The following CLYBL variants were observed in gnomAD, a reference collection of about 807,000 sequenced individuals.
CLYBL encodes citramalyl-CoA lyase, mitochondrial.
In CLYBL, 31 loss-of-function variants were observed where a neutral mutation model predicts 38.9. The observed-to-expected ratio is 0.80, with a 90% CI of 0.60 to 1.08. The LOEUF is 1.08. Ranked by LOEUF, CLYBL falls within the 50% of genes least tolerant of loss-of-function variation. CLYBL has a pLI of 0.00. For synonymous variants in CLYBL, 171 were observed against 158.6 expected (o/e 1.08, Z -0.59); for missense variants, 434 against 411.6 (o/e 1.05, Z -0.47).
At chr13:99,725,290 C>A (rs139947060) in intron 1 of CLYBL, among the ~76,000 whole-genome samples, 1 of 152,046 alleles carries the variant, frequency 6.6e-6, no homozygotes, top group Non-Finnish European at 1.5e-5. Flanking sequence ...TAATACCGTG[C>A]GGTTTTTTTA....
chr13:99,720,969 C>A (rs1430514351), intron 1 of CLYBL, among the ~76,000 whole-genome samples: 1 of 151,632 alleles, frequency 6.6e-6, no homozygotes. Context: ...TTCTTAACAT[C>A]TTCCATCTCC....
At chr13:99,773,076 A>G (rs1354027933) in intron 2 of CLYBL, 66 bp downstream of exon 2, 4 of 1,331,058 alleles carry the variant, frequency 3.0e-6, no homozygotes, top group Non-Finnish European at 4.2e-6. Context: ...CCGAATAGTG[A>G]CATTGCCCGC....
chr13:99,718,081 G>A (rs937475800), intron 1 of CLYBL, among the ~76,000 whole-genome samples: 3 of 149,378 alleles, frequency 2.0e-5, no homozygotes, highest in African/African-American at 7.4e-5. Flanking sequence ...GTCTCCCTAA[G>A]TTGCCCAGGC....
At chr13:99,649,055 C>T (rs889148809) in intron 1 of CLYBL, among the ~76,000 whole-genome samples, 17 of 151,646 alleles carry the variant, frequency 1.1e-4, no homozygotes, top group Non-Finnish European at 2.1e-4. Flanking sequence ...AGCCCTGGAA[C>T]GTAAATCATT....
At chr13:99,638,416 T>TAC (rs970032232) in intron 1 of CLYBL, among the ~76,000 whole-genome samples, 1 of 152,210 alleles carries the variant, frequency 6.6e-6, no homozygotes, top group Non-Finnish European at 1.5e-5. Context: ...TACATAGACA[T>TAC]ACACACACAC....
intron 2 of CLYBL, among the ~76,000 whole-genome samples, chr13:99,787,324 T>C (rs1566327106): frequency 6.6e-6 from 1 of 152,246 alleles, no homozygotes; most frequent in Non-Finnish European, 1.5e-5. Context: ...GGGTTTTTTA[T>C]GGTTTTAGGT....
At chr13:99,882,440 AG>A (rs933378404) in intron 7 of CLYBL, among the ~76,000 whole-genome samples, 2 of 152,140 alleles carry the variant, frequency 1.3e-5, no homozygotes, top group African/African-American at 4.8e-5. Context: ...GAATCACTTG[AG>A]ATCAGGAGAT....
chr13:99,843,822 G>A (rs1359322504), intron 2 of CLYBL, among the ~76,000 whole-genome samples: 2 of 152,086 alleles, frequency 1.3e-5, no homozygotes, highest in South Asian at 2.1e-4. Context: ...GGCTGGTCTC[G>A]AACTCCTGAC....
chr13:99,796,053 A>G (rs1283463519), intron 2 of CLYBL, among the ~76,000 whole-genome samples: 1 of 152,192 alleles, frequency 6.6e-6, no homozygotes, highest in Admixed American at 6.5e-5. Flanking sequence ...AAACTGTTCC[A>G]CATAGTCAGA....
At chr13:99,729,118 T>G (rs1192572854) in intron 1 of CLYBL, among the ~76,000 whole-genome samples, 2 of 152,224 alleles carry the variant, frequency 1.3e-5, no homozygotes, top group African/African-American at 4.8e-5. Context: ...AAAAGATCTC[T>G]CTCATCTTCA....
intron 7 of CLYBL, among the ~76,000 whole-genome samples, chr13:99,884,336 C>T (rs1167042802): frequency 6.6e-6 from 1 of 152,192 alleles, no homozygotes; most frequent in African/African-American, 2.4e-5. Flanking sequence ...TCTCCTATCA[C>T]TGTCCCCTCG....
At chr13:99,645,431 G>A (rs1227019615) in intron 1 of CLYBL, among the ~76,000 whole-genome samples, 1 of 149,848 alleles carries the variant, frequency 6.7e-6, no homozygotes, top group Non-Finnish European at 1.5e-5. Context: ...ACAGGAGGCA[G>A]AGCTTGCAGT....
At chr13:99,608,716 A>G (rs1049612478) in intron 1 of CLYBL, among the ~76,000 whole-genome samples, 1 of 152,100 alleles carries the variant, frequency 6.6e-6, no homozygotes, top group Non-Finnish European at 1.5e-5. Flanking sequence ...CCCGCTGAAT[A>G]TAGGATTCTT....
At chr13:99,664,891 G>A (rs1190955246) in intron 1 of CLYBL, among the ~76,000 whole-genome samples, 1 of 151,966 alleles carries the variant, frequency 6.6e-6, no homozygotes, top group Non-Finnish European at 1.5e-5. Flanking sequence ...TAGTTTTCAT[G>A]TTTATAAAAT....
chr13:99,667,288 T>C (rs2047496046), intron 1 of CLYBL, among the ~76,000 whole-genome samples: 1 of 151,862 alleles, frequency 6.6e-6, no homozygotes, highest in South Asian at 2.1e-4. Flanking sequence ...GTAAACAGAG[T>C]GGAAGAACAT....
intron 7 of CLYBL, among the ~76,000 whole-genome samples, chr13:99,871,279 C>T (rs559314261): frequency 6.6e-6 from 1 of 152,260 alleles, no homozygotes; most frequent in African/African-American, 2.4e-5. Context: ...TCAAGTCCCT[C>T]ATTTTATTCT....
chr13:99,650,203 C>T (rs2047231933), intron 1 of CLYBL, among the ~76,000 whole-genome samples: 1 of 150,872 alleles, frequency 6.6e-6, no homozygotes, highest in African/African-American at 2.4e-5. Flanking sequence ...GTGGAGCTTG[C>T]AGTGAGCAGA....
At chr13:99,629,160 TG>T (rs1262402814) in intron 1 of CLYBL, among the ~76,000 whole-genome samples, 1 of 152,176 alleles carries the variant, frequency 6.6e-6, no homozygotes, top group Non-Finnish European at 1.5e-5. Flanking sequence ...TTCCCCAATG[TG>T]GGGACAGCGT....
At chr13:99,667,455 T>A (rs2139351263) in intron 1 of CLYBL, among the ~76,000 whole-genome samples, 1 of 78,684 alleles carries the variant, frequency 1.3e-5, no homozygotes. Flanking sequence ...TTTTTTTTTT[T>A]TAGAAAATAA....
Sources: allele counts gnomAD v4.1 joint callset (sites outside exome capture counted in the v4.1 genomes callset), GRCh38; gene constraint gnomAD v4.1.1; transcripts MANE v1.5; gene names NCBI Gene and HGNC (gene_info 2026-07-23, HGNC 2026-07-21).